Variants in SPIC observed in about 807,000 individuals in gnomAD.
SPIC encodes transcription factor Spi-C.
A neutral mutation model predicts 16.7 loss-of-function variants in SPIC; 9 were observed. The ratio of observed to expected loss-of-function variants is 0.54; its 90% CI spans 0.33 to 0.94. The LOEUF is 0.94. Among genes scored for constraint, SPIC ranks in the 40% least tolerant of loss-of-function variants. The pLI is 0.03. For synonymous variants in SPIC, 97 were observed against 102.9 expected, an observed-to-expected ratio of 0.94 and a Z score of 0.35; for missense variants, 241 against 285.8, an observed-to-expected ratio of 0.84 and a Z score of 1.13.
chr12:101,475,954 T>C (rs116675414), intron 1 of SPIC, among the ~76,000 whole-genome samples: 26 of 152,326 alleles, frequency 1.7e-4, no homozygotes, highest in African/African-American at 6.0e-4. Context: ...ATATGTTATG[T>C]TGATATATGA....
rs1565832463 is a variant in SPIC at position 101,482,889 on chromosome 12, AG to A, written c.314del (p.Gly105GlufsTer29). On this transcript the variant is annotated frameshift_variant, in exon 5 of 6. Transcript: ENST00000551346. LOFTEE classifies it low-confidence loss of function (END_TRUNC). ...QLVQPTLLQQ[K>X]GGKGRKKLRL... The stretch of plus-strand genomic sequence containing the variant: ...GTACAACCCACTCTTCTCCAGCAAA[AG>A]GGGGGAAAAGGTACGTTGATCCATC... The A allele has an allele frequency of 6.2e-7, 1 of 1,613,678 alleles. No individual in the cohort carries two copies. The highest frequency in any genetic ancestry group is 8.5e-7 in the Non-Finnish European group (1 of 1,179,756).
intron 4 of SPIC, among the ~76,000 whole-genome samples, chr12:101,481,477 G>A (rs550941526): frequency 1.1e-4 from 17 of 151,170 alleles, no homozygotes; most frequent in African/African-American, 3.2e-4. Flanking sequence ...CCAAGTAGGT[G>A]GGATTACAGG....
chr12:101,485,019 T>C (rs1174293119), intron 5 of SPIC, among the ~76,000 whole-genome samples: 1 of 152,158 alleles, frequency 6.6e-6, no homozygotes, highest in Non-Finnish European at 1.5e-5. Flanking sequence ...TCATGATGTG[T>C]TTTTTGGTAA....
intron 3 of SPIC, among the ~76,000 whole-genome samples, chr12:101,479,261 G>GGAAAGAAAGAAAGAAA (rs200103864): frequency 2.1e-5 from 1 of 46,850 alleles, no homozygotes; most frequent in Non-Finnish European, 5.6e-5. Context: ...AAAGAAGGAA[G>GGAAAGAAAGAAAGAAA]GAAAGAAAGA....
intron 5 of SPIC, among the ~76,000 whole-genome samples, chr12:101,483,372 TA>T (rs1233657670): frequency 6.6e-6 from 1 of 152,126 alleles, no homozygotes; most frequent in African/African-American, 2.4e-5. Flanking sequence ...TCAGGGACAA[TA>T]ACACATAGAG....
intron 5 of SPIC, among the ~76,000 whole-genome samples, chr12:101,485,566 G>A (rs562270352): frequency 6.6e-6 from 1 of 152,118 alleles, no homozygotes; most frequent in South Asian, 2.1e-4. Flanking sequence ...TGCAAACCCA[G>A]AGTTAGCACT....
Position 101,486,268 on chromosome 12 carries a change from G to A in SPIC, c.320-76G>A, listed in dbSNP as rs181135036. 4.9e-6 allele frequency: 7 copies of A among 1,414,154 alleles called. No individual in the cohort carries two copies. In the Admixed American group the frequency reaches 1.3e-4, roughly 27 times the overall value. The allele number at this position is 1,414,154 out of a possible 1,614,324, so 87.6% of individuals were successfully genotyped here. A position where few individuals can be genotyped will look rare whatever the true frequency, so the allele number is the denominator to read the frequency against. On this transcript the variant is annotated intron_variant, in intron 5 of 5. Coordinates refer to ENST00000551346, the MANE Select transcript of SPIC (RefSeq NM_152323.3). ...CGATGCAGCTTTTAATTCAGTAGTT[G>A]CTCAACAAACCCTTTCTGAGGATGT...
chr12:101,477,014 T>C (rs140982207), intron 2 of SPIC, 107 bp downstream of exon 2: 178 of 571,174 alleles, frequency 3.1e-4, no homozygotes, highest in African/African-American at 3.0e-3. Context: ...AAAAATAAAA[T>C]ATATCGATCA....
At chr12:101,483,968 TATTTATTTATTTTTATTTTTATTTATTC>T (rs1277743577) in intron 5 of SPIC, among the ~76,000 whole-genome samples, 3 of 151,846 alleles carry the variant, frequency 2.0e-5, no homozygotes, top group Admixed American at 2.0e-4. Context: ...CAATACATTT[TATTTATTTATTTTTATTTTTATTTATTC>T]ATTTATTTAT....
Position 101,486,536 on chromosome 12 carries a change from G to T in SPIC, c.512G>T (p.Arg171Met). Residue 171 changes from arginine (R) to methionine (M), a missense_variant, in exon 6 of 6, where the codon AGG (arginine) becomes ATG (methionine). Coordinates refer to ENST00000551346, the MANE Select transcript of SPIC (RefSeq NM_152323.3). The part of the protein sequence containing the change: ...RKTMTYQKMA[R>M]ALRNYGRSGE... ...ACCATGACTTACCAGAAAATGGCCA[G>T]GGCACTCAGAAATTACGGAAGAAGT... 1 of 1,614,146 alleles carries T rather than the reference G, an allele frequency of 6.2e-7. No homozygotes were observed.
At chr12:101,477,382 T>C (rs553939637) in intron 2 of SPIC, among the ~76,000 whole-genome samples, 176 bp from the exon 3 acceptor site, 50 of 152,262 alleles carry the variant, frequency 3.3e-4, no homozygotes, top group African/African-American at 1.2e-3. Flanking sequence ...TCAGGGAAGC[T>C]GCTAAACATC....
chr12:101,486,175 C>T (rs539162551), intron 5 of SPIC, among the ~76,000 whole-genome samples, 169 bp from the exon 6 acceptor site: 7 of 152,344 alleles, frequency 4.6e-5, no homozygotes, highest in African/African-American at 1.7e-4. Flanking sequence ...AGATCCTCTA[C>T]CTTCGAATCC....
chr12:101,479,994 T>C (rs963508680), intron 4 of SPIC, among the ~76,000 whole-genome samples: 17 of 152,090 alleles, frequency 1.1e-4, no homozygotes, highest in African/African-American at 4.1e-4. Flanking sequence ...CTTCTGTATT[T>C]TTAGTGGAGA....
chr12:101,475,952 T>C (rs912259922), intron 1 of SPIC, among the ~76,000 whole-genome samples: 12 of 152,326 alleles, frequency 7.9e-5, no homozygotes, highest in Admixed American at 1.3e-4. Flanking sequence ...TAATATGTTA[T>C]GTTGATATAT....
intron 4 of SPIC, among the ~76,000 whole-genome samples, chr12:101,481,820 T>C (rs1873207204): frequency 6.6e-6 from 1 of 150,980 alleles, no homozygotes; most frequent in South Asian, 2.1e-4. Context: ...CCAGCCAATT[T>C]TTTTGTACTT....
At chr12:101,479,548 A>C in intron 3 of SPIC, 34 bp from the exon 4 acceptor site, 1 of 1,551,410 alleles carries the variant, frequency 6.4e-7, no homozygotes, top group Non-Finnish European at 8.9e-7. Context: ...ACAAACTTTG[A>C]CTTTTTTAGT....
chr12:101,476,052 G>A (rs537965641), intron 1 of SPIC, among the ~76,000 whole-genome samples: 19 of 152,152 alleles, frequency 1.2e-4, no homozygotes, highest in African/African-American at 3.9e-4. Flanking sequence ...TTGTGTTTGC[G>A]GGTAAATACT....
intron 5 of SPIC, among the ~76,000 whole-genome samples, chr12:101,485,215 G>A (rs1006789080): frequency 6.6e-6 from 1 of 152,174 alleles, no homozygotes; most frequent in South Asian, 2.1e-4. Flanking sequence ...GAATTTGGCT[G>A]CAAATTTTTT....
At chr12:101,483,086 G>GTTTTTTTTTTTT (rs58442228) in intron 5 of SPIC, among the ~76,000 whole-genome samples, 186 bp downstream of exon 5, 1 of 129,098 alleles carries the variant, frequency 7.7e-6, no homozygotes, top group Non-Finnish European at 1.6e-5. Flanking sequence ...GACTTCCTGT[G>GTTTTTTTTTTTT]TTTTTTTTTT....
Sources: allele counts gnomAD v4.1 joint callset (sites outside exome capture counted in the v4.1 genomes callset), GRCh38; gene constraint gnomAD v4.1.1; transcripts MANE v1.5; gene names NCBI Gene and HGNC (gene_info 2026-07-23, HGNC 2026-07-21).